Variants in LMX1B observed in about 807,000 individuals in gnomAD.
LMX1B encodes the protein LIM homeobox transcription factor 1 beta, also known as LIM homeobox transcription factor 1-beta.
In LMX1B, 12 loss-of-function variants were observed where a neutral mutation model predicts 51.4. The observed-to-expected ratio is 0.23, with a 90% CI of 0.15 to 0.38. The LOEUF is 0.38. Ranked by LOEUF, LMX1B falls within the 10% of genes least tolerant of loss-of-function variation. The pLI is 1.00. For missense variants in LMX1B, 445 were observed against 571.1 expected (o/e 0.78, Z 2.25); for synonymous variants, 237 against 235.4 (o/e 1.01, Z -0.06).
chr9:126,652,975 G>C (rs1480271495), intron 2 of LMX1B, among the ~76,000 whole-genome samples: 1 of 152,092 alleles, frequency 6.6e-6, no homozygotes, highest in African/African-American at 2.4e-5. Context: ...TGAGGGCTGG[G>C]CAAGACTGAA....
intron 2 of LMX1B, among the ~76,000 whole-genome samples, chr9:126,640,484 G>A (rs1835789674): frequency 6.6e-6 from 1 of 152,202 alleles, no homozygotes; most frequent in South Asian, 2.1e-4. Flanking sequence ...GCCTTTGAGG[G>A]TGGGGGTGAT....
At chr9:126,621,579 C>G (rs1367163854) in intron 2 of LMX1B, among the ~76,000 whole-genome samples, 1 of 151,232 alleles carries the variant, frequency 6.6e-6, no homozygotes, top group African/African-American at 2.4e-5. Flanking sequence ...TCATAAATGT[C>G]TCCTGTCATT....
At chr9:126,669,609 G>A (rs1424589640) in intron 2 of LMX1B, among the ~76,000 whole-genome samples, 2 of 152,176 alleles carry the variant, frequency 1.3e-5, no homozygotes, top group Non-Finnish European at 2.9e-5. Flanking sequence ...CTGGGCTTTT[G>A]TGCTCCTCTG....
chr9:126,638,791 C>T (rs964758256), intron 2 of LMX1B, among the ~76,000 whole-genome samples: 22 of 152,230 alleles, frequency 1.4e-4, no homozygotes, highest in Non-Finnish European at 1.5e-4. Flanking sequence ...CGCGGGCGCC[C>T]GATGTAACTG....
Position 126,667,860 on chromosome 9 carries a change from C to T in LMX1B, c.327-22976C>T, listed in dbSNP as rs1836372561. Among the ~76,000 whole-genome samples the T allele has an allele frequency of 2.0e-5, 3 of 152,308 alleles. 1 individual carries two copies. The South Asian group carries it at 6.2e-4, about 32-fold the overall frequency. Reference sequence around the variant, plus strand: ...GCACAGTGCCTGCCCACAGTAGCTGCTCAGTAAGCAAGGGCCAGTTAAATC... The same window carrying T: ...GCACAGTGCCTGCCCACAGTAGCTGTTCAGTAAGCAAGGGCCAGTTAAATC... On this transcript the variant is annotated intron_variant, in intron 2 of 7. Transcript: ENST00000373474.
chr9:126,621,976 A>G (rs1046150279), intron 2 of LMX1B, among the ~76,000 whole-genome samples: 1 of 152,138 alleles, frequency 6.6e-6, no homozygotes, highest in Non-Finnish European at 1.5e-5. Context: ...CAGTACAAAT[A>G]AATTTCTGCG....
In LMX1B at chr9:126,664,646, T is replaced by C. The variant is rs370682836; in HGVS notation, c.327-26190T>C. Among the ~76,000 whole-genome samples, 6 of 152,128 alleles carry C rather than the reference T, an allele frequency of 3.9e-5. No homozygotes were observed. In the East Asian group the frequency reaches 5.8e-4, roughly 15 times the overall value. ...ATCCCAGCACTTTGGGAGGCTGAGG[T>C]GGGCAGATCACCAGGTCAGGAGTGC... On this transcript the variant is annotated intron_variant, in intron 2 of 7. Coordinates refer to ENST00000373474, the MANE Select transcript of LMX1B (RefSeq NM_001174147.2).
At chr9:126,688,885 T>G (rs2030005670) in intron 2 of LMX1B, among the ~76,000 whole-genome samples, 1 of 152,118 alleles carries the variant, frequency 6.6e-6, no homozygotes, top group Non-Finnish European at 1.5e-5. Flanking sequence ...CCAGGTCCTG[T>G]CTCATGGAAC....
chr9:126,653,397 C>T (rs4076298), intron 2 of LMX1B, among the ~76,000 whole-genome samples: 59,074 of 151,818 alleles, frequency 0.39, 12,320 homozygotes, highest in African/African-American at 0.47. Flanking sequence ...CTCAATTGCT[C>T]TGCCTGCCTT....
At chr9:126,667,762 G>A (rs967879473) in intron 2 of LMX1B, among the ~76,000 whole-genome samples, 1 of 152,230 alleles carries the variant, frequency 6.6e-6, no homozygotes, top group Non-Finnish European at 1.5e-5. Flanking sequence ...CCTTCAGAGA[G>A]TTTCCAGAAG....
Position 126,615,428 on chromosome 9 carries a change from C to G in LMX1B, c.185C>G (p.Pro62Arg). Residue 62 changes from proline (P) to arginine (R), a missense_variant, in exon 2 of 8, where the codon CCC (proline) becomes CGC (arginine). Pro to Arg is a moderately radical substitution (Grantham distance 103, BLOSUM62 -2). Coordinates refer to ENST00000373474, the MANE Select transcript of LMX1B (RefSeq NM_001174147.2). This position sits in a 1 kb window ranked among gnomAD's most constrained non-coding sequence, Gnocchi z 6.0. Reference protein sequence around the residue: ...HPAVCEGCQRPISDRFLMRVN... With the variant: ...HPAVCEGCQRRISDRFLMRVN... The stretch of plus-strand genomic sequence containing the variant: ...GCCGTCTGCGAGGGCTGCCAGCGGC[C>G]CATCTCCGACCGCTTCCTGATGCGA... 6.2e-7 allele frequency: 1 copy of G among 1,608,544 alleles called. No homozygotes were observed. Among genetic ancestry groups the G allele is most frequent in the Non-Finnish European group, 8.5e-7 (1 of 1,177,762 alleles).
rs755608375 is a variant in LMX1B, at chr9:126,682,081, G to GCCTTTTTTTTTTTTTTTT, written c.327-8755_327-8754insCCTTTTTTTTTTTTTTTT. 6.2e-5 allele frequency among the ~76,000 whole-genome samples: 5 copies of GCCTTTTTTTTTTTTTTTT among 81,284 alleles called. 1 individual carries two copies. Among genetic ancestry groups the GCCTTTTTTTTTTTTTTTT allele is most frequent in the African/African-American group, 2.8e-4 (5 of 18,064 alleles). 53.3% of individuals were successfully genotyped at this position (81,284 alleles called of 152,430 possible). A position where few individuals can be genotyped will look rare whatever the true frequency, so the allele number is the denominator to read the frequency against. On this transcript the variant is annotated intron_variant, in intron 2 of 7. Transcript: ENST00000373474. ...TACTTGCAGATACTTGGTCCCCAGG[G>GCCTTTTTTTTTTTTTTTT]TCTTTTTTTTTTTTTTTTTTTTTTT...
intron 2 of LMX1B, among the ~76,000 whole-genome samples, chr9:126,639,783 C>T (rs947181492): frequency 1.3e-5 from 2 of 152,204 alleles, no homozygotes; most frequent in African/African-American, 4.8e-5. Context: ...TAATGAGGCC[C>T]ATGCGGTTTA....
intron 2 of LMX1B, among the ~76,000 whole-genome samples, chr9:126,619,573 T>C (rs1835371173): frequency 6.6e-6 from 1 of 152,220 alleles, no homozygotes; most frequent in African/African-American, 2.4e-5. Flanking sequence ...GTGCTGTCTC[T>C]GGGGGCTGAG....
chr9:126,653,824 C>T (rs1836064164), intron 2 of LMX1B, among the ~76,000 whole-genome samples: 1 of 152,138 alleles, frequency 6.6e-6, no homozygotes. Context: ...CCTCCACCTC[C>T]CAGGCCCCCA....
chr9:126,641,531 G>A lies in LMX1B; in HGVS notation c.326+25962G>A, dbSNP rs1000941641. Among the ~76,000 whole-genome samples the A allele has an allele frequency of 1.3e-5, 2 of 152,032 alleles. No individual in the cohort carries two copies. Among genetic ancestry groups the A allele is most frequent in the Admixed American group, 6.6e-5 (1 of 15,262 alleles). On this transcript the variant is annotated intron_variant, in intron 2 of 7. Coordinates refer to ENST00000373474, the MANE Select transcript of LMX1B (RefSeq NM_001174147.2). This position sits in a 1 kb window ranked among gnomAD's most constrained non-coding sequence, Gnocchi z 4.1. The stretch of plus-strand genomic sequence containing the variant: ...TGGTGCCTGATAGTATGGTCTTCTC[G>A]GGCCTGAGCTGGGCTGGGCTGGGTT...
intron 2 of LMX1B, among the ~76,000 whole-genome samples, chr9:126,674,867 T>A (rs1207527312): frequency 6.6e-6 from 1 of 152,156 alleles, no homozygotes; most frequent in African/African-American, 2.4e-5. Flanking sequence ...CAAATGATCT[T>A]TAAAAAATGT....
intron 2 of LMX1B, among the ~76,000 whole-genome samples, chr9:126,665,671 G>A (rs1159543287): frequency 3.3e-5 from 5 of 152,214 alleles, no homozygotes; most frequent in African/African-American, 9.6e-5. Context: ...GGAAGGAGGG[G>A]TTCACAGGAC....
chr9:126,629,362 T>C (rs1006636408), intron 2 of LMX1B, among the ~76,000 whole-genome samples: 1 of 152,232 alleles, frequency 6.6e-6, no homozygotes, highest in Non-Finnish European at 1.5e-5. Flanking sequence ...TTGTGGTCCA[T>C]CAGGCACTGC....
Sources: allele counts gnomAD v4.1 joint callset (sites outside exome capture counted in the v4.1 genomes callset), GRCh38; gene constraint gnomAD v4.1.1; non-coding constraint Gnocchi (gnomAD v3.1); transcripts MANE v1.5; gene names NCBI Gene and HGNC (gene_info 2026-07-23, HGNC 2026-07-21).